Variants in RALGAPA1 observed in about 807,000 individuals in gnomAD.
The protein encoded by RALGAPA1 is Ral GTPase activating protein catalytic subunit alpha 1, also known as ral GTPase-activating protein subunit alpha-1.
RALGAPA1 carries 52 observed loss-of-function variants against 269.6 expected under a neutral mutation model. That is an observed-to-expected ratio of 0.19 (90% CI 0.15 to 0.24). RALGAPA1 has a LOEUF of 0.24. Among genes scored for constraint, RALGAPA1 ranks in the 10% least tolerant of loss-of-function variants. The pLI is 1.00. For missense variants in RALGAPA1, 1,917 were observed against 3,013.9 expected (o/e 0.64, Z 8.52); for synonymous variants, 817 against 1,008.3 (o/e 0.81, Z 3.60).
intron 16 of RALGAPA1, among the ~76,000 whole-genome samples, chr14:35,716,451 C>T (rs187219609): frequency 1.7e-4 from 26 of 151,540 alleles, no homozygotes; most frequent in African/African-American, 5.8e-4. Context: ...GTATACCTCC[C>T]CTAAATATTT....
At chr14:35,541,862 A>G in intron 41 of RALGAPA1, 1 of 464,714 alleles carries the variant, frequency 2.2e-6, no homozygotes. Context: ...AAAAGAGAAG[A>G]TAGATAACAG....
chr14:35,682,654 T>C (rs2065555414), intron 21 of RALGAPA1, among the ~76,000 whole-genome samples: 1 of 152,180 alleles, frequency 6.6e-6, no homozygotes, highest in Non-Finnish European at 1.5e-5. Flanking sequence ...TAGGGTCTCA[T>C]TGTAGTTTTT....
At chr14:35,783,251 C>A (rs913515651) in intron 1 of RALGAPA1, among the ~76,000 whole-genome samples, 4 of 151,964 alleles carry the variant, frequency 2.6e-5, no homozygotes, top group Non-Finnish European at 5.9e-5. Flanking sequence ...TAAATCCTTA[C>A]ACTGATGATC....
chr14:35,798,017 C>T lies in RALGAPA1; in HGVS notation c.106+10713G>A, dbSNP rs142154032. ...CCTCTCAAGTAGCTGGGATCACAGG[C>T]GGCTGCCACCACATCTGCATAATTT... On this transcript the variant is annotated intron_variant, in intron 1 of 41. Transcript: ENST00000680220. Among the ~76,000 whole-genome samples, 418 of 149,462 alleles carry T rather than the reference C, an allele frequency of 2.8e-3. 2 individuals carry two copies. The highest frequency in any genetic ancestry group is 4.6e-3 in the Non-Finnish European group (311 of 67,288).
intron 1 of RALGAPA1, among the ~76,000 whole-genome samples, chr14:35,797,256 A>G (rs919401193): frequency 6.7e-5 from 10 of 150,322 alleles, no homozygotes; most frequent in South Asian, 2.1e-4. Flanking sequence ...AGGGGGCTGA[A>G]GCAGGAGAAT....
At position 35,629,282 on chromosome 14, in the gene RALGAPA1, G is replaced by GGTGT. The variant is rs33989714; in HGVS notation, c.5996-1335_5996-1332dup. Among the ~76,000 whole-genome samples the GGTGT allele has an allele frequency of 4.2e-3, 617 of 145,374 alleles. 1 individual carries two copies. The highest frequency in any genetic ancestry group is 0.011 in the Middle Eastern group (3 of 284). The stretch of plus-strand genomic sequence containing the variant: ...GTCATTCATGTTAGGATGTTTAGGG[G>GGTGT]GTGTGTGTGTGTGTGTGTGTGTGTG... On this transcript the variant is annotated intron_variant, in intron 33 of 41. Coordinates refer to ENST00000680220, the MANE Select transcript of RALGAPA1 (RefSeq NM_001346249.2).
chr14:35,802,832 C>T (rs1351096993), intron 1 of RALGAPA1, among the ~76,000 whole-genome samples: 3 of 152,032 alleles, frequency 2.0e-5, no homozygotes, highest in Non-Finnish European at 2.9e-5. Context: ...CAGGCACACA[C>T]TACCATGCCC....
At chr14:35,626,157 G>A (rs1468747198) in intron 34 of RALGAPA1, among the ~76,000 whole-genome samples, 4 of 152,008 alleles carry the variant, frequency 2.6e-5, no homozygotes, top group South Asian at 2.1e-4. Flanking sequence ...TCTAATAAAC[G>A]GCTTTCCTAT....
intron 39 of RALGAPA1, among the ~76,000 whole-genome samples, chr14:35,561,646 T>C (rs2056271140): frequency 6.6e-6 from 1 of 151,546 alleles, no homozygotes; most frequent in Non-Finnish European, 1.5e-5. Flanking sequence ...GTAGCTGGGA[T>C]TACAGGCGTG....
At chr14:35,650,940 G>A (rs941274531) in intron 31 of RALGAPA1, among the ~76,000 whole-genome samples, 1 of 142,196 alleles carries the variant, frequency 7.0e-6, no homozygotes, top group Non-Finnish European at 1.5e-5. Context: ...ATTTGCAAAC[G>A]AGGAATTACA....
chr14:35,618,172 A>G (rs545522065), intron 35 of RALGAPA1, among the ~76,000 whole-genome samples: 2 of 152,320 alleles, frequency 1.3e-5, no homozygotes, highest in East Asian at 3.9e-4. Flanking sequence ...TAAAAACATA[A>G]CAGGAACAGG....
At chr14:35,770,375 G>A (rs2074523105) in intron 4 of RALGAPA1, among the ~76,000 whole-genome samples, 1 of 151,926 alleles carries the variant, frequency 6.6e-6, no homozygotes, top group African/African-American at 2.4e-5. Context: ...AAGAATGTCT[G>A]CTCTTTCTTG....
chr14:35,566,821 T>C (rs1160887743), intron 39 of RALGAPA1, among the ~76,000 whole-genome samples: 5 of 150,044 alleles, frequency 3.3e-5, no homozygotes, highest in Non-Finnish European at 7.4e-5. Flanking sequence ...AATCCACCTG[T>C]ATGAAGTCAT....
intron 19 of RALGAPA1, 58 bp downstream of exon 19, chr14:35,686,484 A>G (rs928663787): frequency 1.2e-5 from 17 of 1,436,232 alleles, no homozygotes; most frequent in Non-Finnish European, 1.5e-5. Context: ...ACATAGGTAT[A>G]TATCTGTTAG....
intron 37 of RALGAPA1, among the ~76,000 whole-genome samples, chr14:35,579,892 T>A (rs1185958662): frequency 6.6e-6 from 1 of 152,168 alleles, no homozygotes; most frequent in African/African-American, 2.4e-5. Context: ...TGAAAAAATT[T>A]AAAAATTATT....
intron 16 of RALGAPA1, among the ~76,000 whole-genome samples, chr14:35,701,876 T>C (rs754655728): frequency 2.0e-5 from 3 of 152,242 alleles, no homozygotes; most frequent in Non-Finnish European, 4.4e-5. Flanking sequence ...GTCGAACTCC[T>C]GTGCTCAAGC....
chr14:35,742,894 C>T (rs1213121228), intron 10 of RALGAPA1, among the ~76,000 whole-genome samples: 2 of 152,036 alleles, frequency 1.3e-5, no homozygotes, highest in Non-Finnish European at 2.9e-5. Context: ...CAATTAATTA[C>T]CCAAATATTC....
intron 38 of RALGAPA1, among the ~76,000 whole-genome samples, chr14:35,571,311 C>T (rs530616665): frequency 5.3e-4 from 80 of 152,198 alleles, no homozygotes; most frequent in African/African-American, 1.7e-3. Flanking sequence ...AGGAGGTAAG[C>T]TCTGGATAAG....
chr14:35,763,514 TTTA>T (rs1008588604), intron 4 of RALGAPA1, among the ~76,000 whole-genome samples: 12 of 152,130 alleles, frequency 7.9e-5, no homozygotes, highest in African/African-American at 2.7e-4. Flanking sequence ...ATATAACTCA[TTTA>T]TTTTTTTAAA....
Sources: allele counts gnomAD v4.1 joint callset (sites outside exome capture counted in the v4.1 genomes callset), GRCh38; gene constraint gnomAD v4.1.1; transcripts MANE v1.5; gene names NCBI Gene and HGNC (gene_info 2026-07-23, HGNC 2026-07-21).